The following VPS13B variants were observed in gnomAD, a reference collection of about 807,000 sequenced individuals.
VPS13B encodes intermembrane lipid transfer protein VPS13B.
VPS13B carries 285 observed loss-of-function variants against 426.4 expected under a neutral mutation model. That is an observed-to-expected ratio of 0.67 (90% confidence interval 0.61 to 0.74). The LOEUF (loss-of-function observed/expected upper bound fraction) is 0.74. VPS13B is among the 30% of genes least tolerant of loss of function. The pLI is 0.00. For synonymous variants in VPS13B, 1,676 were observed against 1,676.4 expected, an observed-to-expected ratio of 1.00 and a Z score of 0.01; for missense variants, 4,537 against 4,782.6, an observed-to-expected ratio of 0.95 and a Z score of 1.51.
intron 39 of VPS13B, among the ~76,000 whole-genome samples, chr8:99,763,135 C>CAAAAAA (rs750289763): frequency 2.8e-3 from 101 of 35,802 alleles, no homozygotes; most frequent in Non-Finnish European, 4.0e-3. Context: ...GACCTTGTCT[C>CAAAAAA]AAAAAAAAAA....
chr8:99,779,728 A>G (rs775697106), intron 42 of VPS13B, among the ~76,000 whole-genome samples: 6 of 152,210 alleles, frequency 3.9e-5, no homozygotes, highest in Non-Finnish European at 8.8e-5. Flanking sequence ...ACTTCACAGA[A>G]TATTTGGATG....
intron 17 of VPS13B, among the ~76,000 whole-genome samples, chr8:99,218,687 T>C (rs1466491254): frequency 6.6e-6 from 1 of 152,222 alleles, no homozygotes; most frequent in African/African-American, 2.4e-5. Context: ...TTAATTGTTA[T>C]GGCCACAGTG....
chr8:99,168,644 T>C (rs1339496656), intron 15 of VPS13B, among the ~76,000 whole-genome samples: 2 of 152,044 alleles, frequency 1.3e-5, no homozygotes, highest in African/African-American at 4.8e-5. Context: ...GCATACATTA[T>C]TGCTCAGAAC....
chr8:99,688,072 G>A (rs1831493181), intron 35 of VPS13B, among the ~76,000 whole-genome samples: 1 of 151,212 alleles, frequency 6.6e-6, no homozygotes, highest in Non-Finnish European at 1.5e-5. Context: ...TGGGGGAAGT[G>A]GGCTCTGCAA....
intron 19 of VPS13B, chr8:99,340,790 G>GT: frequency 2.9e-6 from 1 of 341,002 alleles, no homozygotes; most frequent in South Asian, 3.0e-5. Flanking sequence ...CAGCCAGCCT[G>GT]TTGCAGTTGG....
intron 17 of VPS13B, among the ~76,000 whole-genome samples, chr8:99,238,272 A>G (rs535778202): frequency 6.6e-6 from 1 of 151,080 alleles, no homozygotes; most frequent in Admixed American, 6.6e-5. Context: ...GTGTGTGTGA[A>G]AAGACAATGT....
At chr8:99,661,514 A>T in intron 35 of VPS13B, 23 bp downstream of exon 35, 1 of 1,609,712 alleles carries the variant, frequency 6.2e-7, no homozygotes, top group Non-Finnish European at 8.5e-7. Context: ...TAAAATTTAC[A>T]TGTGTGTACA....
At chr8:99,828,394 G>GTTTCTTTTTTTTTTTTTTTTTTTTT (rs1814831585) in intron 51 of VPS13B, among the ~76,000 whole-genome samples, 1 of 17,424 alleles carries the variant, frequency 5.7e-5, no homozygotes, top group African/African-American at 2.4e-4. Flanking sequence ...TACAACCACC[G>GTTTCTTTTTTTTTTTTTTTTTTTTT]TTTTTTTTTT....
At position 99,835,183 on chromosome 8, in the gene VPS13B, T is replaced by G. The variant is rs1213360815; in HGVS notation, c.9615-14T>G. On this transcript the variant is annotated splice_polypyrimidine_tract_variant and intron_variant, in intron 52 of 61. Transcript: ENST00000357162. Reference sequence around the variant, plus strand: ...TCCTAAACATTTCTGTCATTTGACTTGATTCTCTTCCAGGGCTATAGTGCT... The same window carrying G: ...TCCTAAACATTTCTGTCATTTGACTGGATTCTCTTCCAGGGCTATAGTGCT... 6.2e-7 allele frequency: 1 copy of G among 1,613,786 alleles called. No homozygotes were observed. The highest frequency in any genetic ancestry group is 1.3e-5 in the African/African-American group (1 of 74,920).
chr8:99,395,756 A>G (rs1413943980), intron 21 of VPS13B, among the ~76,000 whole-genome samples: 1 of 152,224 alleles, frequency 6.6e-6, no homozygotes, highest in Non-Finnish European at 1.5e-5. Context: ...AACAGGAGAG[A>G]AACTAGCCAA....
At chr8:99,811,454 C>T (rs1333922933) in intron 44 of VPS13B, among the ~76,000 whole-genome samples, 5 of 152,122 alleles carry the variant, frequency 3.3e-5, no homozygotes, top group Non-Finnish European at 7.4e-5. Context: ...CTTGTTAAAA[C>T]ACAGATTGCT....
At chr8:99,062,451 C>T (rs972961142) in intron 3 of VPS13B, among the ~76,000 whole-genome samples, 1 of 152,074 alleles carries the variant, frequency 6.6e-6, no homozygotes, top group Admixed American at 6.6e-5. Context: ...AGCATGGGCC[C>T]TGAAAAATAA....
chr8:99,392,796 T>C (rs1814514699), intron 21 of VPS13B, among the ~76,000 whole-genome samples: 1 of 152,140 alleles, frequency 6.6e-6, no homozygotes, highest in South Asian at 2.1e-4. Context: ...GTTTATTTTG[T>C]GGAATCATTA....
intron 23 of VPS13B, among the ~76,000 whole-genome samples, chr8:99,463,735 C>G (rs1818952727): frequency 6.6e-6 from 1 of 152,060 alleles, no homozygotes. Context: ...TCTTGTTGCC[C>G]AGGCTGGAGT....
chr8:99,149,760 G>A (rs1810961588), intron 14 of VPS13B, among the ~76,000 whole-genome samples: 1 of 152,146 alleles, frequency 6.6e-6, no homozygotes, highest in Non-Finnish European at 1.5e-5. Flanking sequence ...TGGCAGGTGA[G>A]TGAGCGTTAC....
intron 39 of VPS13B, among the ~76,000 whole-genome samples, chr8:99,763,606 G>A (rs1811058293): frequency 6.6e-6 from 1 of 152,190 alleles, no homozygotes; most frequent in African/African-American, 2.4e-5. Flanking sequence ...GCTGAGATAG[G>A]TGGTATTCTA....
At chr8:99,776,033 C>A (rs531482430) in intron 40 of VPS13B, among the ~76,000 whole-genome samples, 5 of 152,248 alleles carry the variant, frequency 3.3e-5, no homozygotes, top group African/African-American at 1.2e-4. Context: ...TTTTATGGCA[C>A]CCGTTACAGT....
intron 40 of VPS13B, among the ~76,000 whole-genome samples, chr8:99,775,582 T>A (rs1226012167): frequency 6.6e-6 from 1 of 152,156 alleles, no homozygotes; most frequent in African/African-American, 2.4e-5. Flanking sequence ...ATGGATGCCA[T>A]CACTATTCAC....
At position 99,135,056 on chromosome 8, in the gene VPS13B, G is replaced by T. The variant is rs1395837319; in HGVS notation, c.1344G>T (p.Gly448=). The T allele has an allele frequency of 1.9e-6, 3 of 1,613,446 alleles. No individual in the cohort carries two copies. In the East Asian group the frequency reaches 6.7e-5, roughly 36 times the overall value. Residue 448 remains glycine (G), a synonymous_variant, in exon 10 of 62, where the codon GGG becomes GGT. Transcript: ENST00000357162. The part of the protein sequence containing the change: ...MGEPFFDCQI[G]FVGCRAMCLK... ...AACCTTTCTTTGATTGCCAGATTGG[G>T]TTTGTTGGTTGCAGAGCCATGTGCC...
Sources: gnomAD v4.1 joint callset for allele counts (sites outside exome capture counted in the v4.1 genomes callset) on GRCh38, gnomAD v4.1.1 for gene constraint, MANE v1.5 for transcripts, NCBI Gene and HGNC (gene_info 2026-07-23, HGNC 2026-07-21) for gene names.